The following ARHGAP42 variants were observed in gnomAD, a reference collection of about 807,000 sequenced individuals.
ARHGAP42 encodes the protein rho GTPase-activating protein 42.
ARHGAP42 carries 63 observed loss-of-function variants against 125.0 expected under a neutral mutation model. The observed-to-expected ratio is 0.50, with a 90% CI of 0.41 to 0.62. The LOEUF (loss-of-function observed/expected upper bound fraction) is 0.62, where lower values mean the gene tolerates loss of function less well. Ranked by LOEUF, ARHGAP42 falls within the 20% of genes least tolerant of loss-of-function variation. The pLI is 0.00. For synonymous variants in ARHGAP42, 339 were observed against 351.0 expected (o/e 0.97, Z 0.38); for missense variants, 766 against 1,024.2 (o/e 0.75, Z 3.44).
intron 4 of ARHGAP42, among the ~76,000 whole-genome samples, chr11:100,904,247 CT>C (rs1555021418): frequency 4.8e-3 from 693 of 143,632 alleles, no homozygotes; most frequent in African/African-American, 0.011. Flanking sequence ...TTTCCTCTCT[CT>C]TTTTTTTTTT....
At chr11:100,878,274 G>A (rs1265568483) in intron 4 of ARHGAP42, among the ~76,000 whole-genome samples, 1 of 151,912 alleles carries the variant, frequency 6.6e-6, no homozygotes, top group African/African-American at 2.4e-5. Context: ...GATTACAGGT[G>A]TGAGCCACCA....
chr11:100,710,426 G>T (rs1861542229), intron 1 of ARHGAP42, among the ~76,000 whole-genome samples: 1 of 149,490 alleles, frequency 6.7e-6, no homozygotes, highest in African/African-American at 2.5e-5. Flanking sequence ...TAGTAGAGAT[G>T]GGGTTTCACC....
chr11:100,943,229 A>G (rs146861981), intron 9 of ARHGAP42, among the ~76,000 whole-genome samples: 20 of 152,068 alleles, frequency 1.3e-4, no homozygotes, highest in Admixed American at 9.8e-4. Context: ...ACATGGTAGC[A>G]ATACTATTAT....
intron 11 of ARHGAP42, among the ~76,000 whole-genome samples, chr11:100,948,844 C>T (rs74451513): frequency 0.025 from 3,739 of 152,126 alleles, 148 homozygotes; most frequent in African/African-American, 0.085. Flanking sequence ...TAATAATGAT[C>T]GCATGCCCAG....
intron 4 of ARHGAP42, among the ~76,000 whole-genome samples, chr11:100,882,644 C>G (rs925179531): frequency 2.0e-5 from 3 of 151,912 alleles, no homozygotes; most frequent in African/African-American, 7.3e-5. Context: ...CTCTTTCTCT[C>G]TCTTGTGGAA....
In ARHGAP42 at chr11:100,916,554, T is replaced by A. The variant is rs527706382; in HGVS notation, c.486+3001T>A. Among the ~76,000 whole-genome samples the A allele has an allele frequency of 2.6e-5, 4 of 152,314 alleles. No individual in the cohort carries two copies. The East Asian group carries it at 7.7e-4, about 29-fold the overall frequency. On this transcript the variant is annotated intron_variant, in intron 5 of 23. Coordinates refer to ENST00000298815, the MANE Select transcript of ARHGAP42 (RefSeq NM_152432.4). ...TGAAAACGCAAATAACAACATGTCA[T>A]TTTCAATTTGATCAAGATAATATCT...
intron 1 of ARHGAP42, among the ~76,000 whole-genome samples, chr11:100,698,420 A>G (rs1181888383): frequency 1.3e-5 from 2 of 152,202 alleles, no homozygotes; most frequent in Non-Finnish European, 2.9e-5. Flanking sequence ...GCAGTGAGCC[A>G]TGATCACGCC....
At chr11:100,886,626 A>G (rs541791649) in intron 4 of ARHGAP42, among the ~76,000 whole-genome samples, 123 of 152,332 alleles carry the variant, frequency 8.1e-4, no homozygotes, top group Admixed American at 7.5e-3. Flanking sequence ...GCGATGCCCC[A>G]TTCCTGTTTG....
At position 100,992,077 on chromosome 11, in the gene ARHGAP42, G is replaced by T. The variant is rs1290554466; in HGVS notation, c.*3276G>T. 4 of 514,954 alleles carry T rather than the reference G, an allele frequency of 7.8e-6. No individual in the cohort carries two copies. The East Asian group carries it at 1.3e-4, about 16-fold the overall frequency. 31.9% of individuals were successfully genotyped at this position (514,954 alleles called of 1,614,324 possible). A position where few individuals can be genotyped will look rare whatever the true frequency, so the allele number is the denominator to read the frequency against. On this transcript the variant is annotated 3_prime_UTR_variant, in exon 24 of 24. Coordinates refer to ENST00000298815, the MANE Select transcript of ARHGAP42 (RefSeq NM_152432.4). ...ACTCCTAGCACCGTTCTTCTGGTCTGTGTTGAAAAGGGTATCATTCATGTG... is the reference window on the plus strand; with the variant it reads ...ACTCCTAGCACCGTTCTTCTGGTCTTTGTTGAAAAGGGTATCATTCATGTG...
chr11:100,976,044 T>C lies in ARHGAP42; in HGVS notation c.1856-13T>C, dbSNP rs934519162. On this transcript the variant is annotated splice_polypyrimidine_tract_variant and intron_variant, in intron 19 of 23. Coordinates refer to ENST00000298815, the MANE Select transcript of ARHGAP42 (RefSeq NM_152432.4). ...TTACAGTTGCTTTCATCTCTCTCCC[T>C]CCTACTCCTTAGGTGACTCCTATAG... 2.7e-6 allele frequency: 4 copies of C among 1,489,848 alleles called. No homozygotes were observed. The African/African-American group carries it at 5.6e-5, about 21-fold the overall frequency. The allele number at this position is 1,489,848 out of a possible 1,614,324, so 92.3% of individuals were successfully genotyped here.
At chr11:100,771,803 A>G (rs1862987211) in intron 2 of ARHGAP42, among the ~76,000 whole-genome samples, 1 of 151,896 alleles carries the variant, frequency 6.6e-6, no homozygotes, top group African/African-American at 2.4e-5. Flanking sequence ...GGGTTTCACT[A>G]TGTTGGCCAG....
At chr11:100,729,811 C>CTTTTTTT (rs1218377976) in intron 1 of ARHGAP42, among the ~76,000 whole-genome samples, 1 of 133,686 alleles carries the variant, frequency 7.5e-6, no homozygotes, top group African/African-American at 2.7e-5. Context: ...AAATTTCTTT[C>CTTTTTTT]TTTTTTTTTT....
intron 17 of ARHGAP42, among the ~76,000 whole-genome samples, chr11:100,972,819 A>C (rs1179833040): frequency 6.6e-6 from 1 of 152,210 alleles, no homozygotes; most frequent in Non-Finnish European, 1.5e-5. Context: ...GGTGACTCTG[A>C]ATATAATTGC....
At chr11:100,780,803 C>T (rs1193274097) in intron 2 of ARHGAP42, among the ~76,000 whole-genome samples, 2 of 152,096 alleles carry the variant, frequency 1.3e-5, no homozygotes, top group African/African-American at 2.4e-5. Context: ...TTGGAGGACA[C>T]CAACATTAAA....
intron 3 of ARHGAP42, among the ~76,000 whole-genome samples, chr11:100,812,392 G>A (rs937546966): frequency 1.3e-5 from 2 of 152,304 alleles, no homozygotes; most frequent in Non-Finnish European, 2.9e-5. Context: ...TTGCTCCAGA[G>A]CTGAGAATAC....
At chr11:100,749,949 G>T (rs923922419) in intron 1 of ARHGAP42, among the ~76,000 whole-genome samples, 4 of 152,282 alleles carry the variant, frequency 2.6e-5, no homozygotes, top group African/African-American at 7.2e-5. Context: ...TAGGTTGCTG[G>T]CCAGTTTCTT....
At chr11:100,814,151 C>A (rs1181254236) in intron 3 of ARHGAP42, among the ~76,000 whole-genome samples, 1 of 151,794 alleles carries the variant, frequency 6.6e-6, no homozygotes, top group African/African-American at 2.4e-5. Flanking sequence ...AGAGGTCGCA[C>A]CACTGCACTC....
At chr11:100,821,703 T>C (rs1864409559) in intron 3 of ARHGAP42, among the ~76,000 whole-genome samples, 1 of 152,120 alleles carries the variant, frequency 6.6e-6, no homozygotes, top group African/African-American at 2.4e-5. Flanking sequence ...ACCTTTTAAC[T>C]TGATTTAGTT....
At chr11:100,819,156 G>A (rs1864346470) in intron 3 of ARHGAP42, among the ~76,000 whole-genome samples, 1 of 152,144 alleles carries the variant, frequency 6.6e-6, no homozygotes, top group Non-Finnish European at 1.5e-5. Flanking sequence ...AAACATAGCA[G>A]TGGACCTGGA....
Sources: gnomAD v4.1 joint callset for allele counts (sites outside exome capture counted in the v4.1 genomes callset) on GRCh38, gnomAD v4.1.1 for gene constraint, MANE v1.5 for transcripts, NCBI Gene and HGNC (gene_info 2026-07-23, HGNC 2026-07-21) for gene names.